FOCAD: variants seen among roughly 807,000 people sequenced by gnomAD.
The protein encoded by FOCAD is focadhesin.
FOCAD carries 198 observed loss-of-function variants against 225.6 expected under a neutral mutation model. The observed-to-expected ratio is 0.88, with a 90% CI of 0.78 to 0.99. The LOEUF (loss-of-function observed/expected upper bound fraction) is 0.99, where lower values mean the gene tolerates loss of function less well. Ranked by LOEUF, FOCAD falls within the 50% of genes least tolerant of loss-of-function variation. FOCAD has a pLI of 0.00. For missense variants in FOCAD, 2,713 were observed against 2,123.6 expected (o/e 1.28, Z -5.46); for synonymous variants, 897 against 755.0 (o/e 1.19, Z -3.08).
intron 21 of FOCAD, among the ~76,000 whole-genome samples, chr9:20,901,214 G>GTC (rs1832534810): frequency 1.3e-5 from 2 of 151,322 alleles, no homozygotes; most frequent in Non-Finnish European, 3.0e-5. Context: ...GTGTGTGTGT[G>GTC]TGTGTGTGTG....
At chr9:20,918,499 G>A (rs973245342) in intron 24 of FOCAD, among the ~76,000 whole-genome samples, 5 of 152,252 alleles carry the variant, frequency 3.3e-5, no homozygotes, top group East Asian at 3.9e-4. Context: ...TGAGGCGGGC[G>A]GATCACGAGG....
At chr9:20,962,438 A>ACATACATACATG (rs1219640555) in intron 35 of FOCAD, among the ~76,000 whole-genome samples, 1 of 152,008 alleles carries the variant, frequency 6.6e-6, no homozygotes, top group Non-Finnish European at 1.5e-5. Context: ...ATACATACAT[A>ACATACATACATG]CATACATACA....
At chr9:20,666,091 A>G (rs867170447) in intron 2 of FOCAD, among the ~76,000 whole-genome samples, 2 of 152,088 alleles carry the variant, frequency 1.3e-5, no homozygotes, top group Admixed American at 6.5e-5. Context: ...GGTTGTCACT[A>G]GAGATCTGGA....
In FOCAD at chr9:20,988,371, G is replaced by A. The variant is rs1449917606; in HGVS notation, c.4946G>A (p.Gly1649Asp). The A allele has an allele frequency of 6.2e-7, 1 of 1,612,068 alleles. No homozygotes were observed. The highest frequency in any genetic ancestry group is 8.5e-7 in the Non-Finnish European group (1 of 1,179,060). The stretch of plus-strand genomic sequence containing the variant: ...ATGGAGTGGCTCTTGGAACTGATGG[G>A]TTATATTAGAAATGTTGCTTACCAG... ...KRMEWLLELM[G>D]YIRNVAYQST... Residue 1649 changes from glycine (G) to aspartate (D), a missense_variant, in exon 41 of 44, where the codon GGT (glycine) becomes GAT (aspartate). Physicochemically the swap from Gly to Asp is moderately conservative, Grantham distance 94. Transcript: ENST00000338382.
At chr9:20,749,848 A>AT (rs201126106) in intron 5 of FOCAD, among the ~76,000 whole-genome samples, 5 of 151,814 alleles carry the variant, frequency 3.3e-5, no homozygotes, top group Non-Finnish European at 1.5e-5. Context: ...ATCACAGACT[A>AT]TTTTTTTTAA....
intron 1 of FOCAD, among the ~76,000 whole-genome samples, chr9:20,710,991 A>G (rs1183632168): frequency 6.6e-6 from 1 of 152,198 alleles, no homozygotes; most frequent in African/African-American, 2.4e-5. Flanking sequence ...TGTATTGCCT[A>G]TTGCTTTCAT....
chr9:20,700,023 A>G (rs1823811184), intron 1 of FOCAD, among the ~76,000 whole-genome samples: 1 of 151,622 alleles, frequency 6.6e-6, no homozygotes, highest in Non-Finnish European at 1.5e-5. Flanking sequence ...TGATTTACTA[A>G]TGAACTCCTG....
intron 1 of FOCAD, among the ~76,000 whole-genome samples, chr9:20,706,407 T>C (rs763260356): frequency 5.3e-5 from 8 of 152,204 alleles, no homozygotes; most frequent in African/African-American, 1.2e-4. Flanking sequence ...ATAGAATTCA[T>C]TGTACTTTTA....
intron 10 of FOCAD, among the ~76,000 whole-genome samples, chr9:20,782,724 G>C (rs1819504314): frequency 6.6e-6 from 1 of 152,180 alleles, no homozygotes; most frequent in Admixed American, 6.5e-5. Flanking sequence ...CATGAAGAGA[G>C]GCACTATGTA....
intron 15 of FOCAD, among the ~76,000 whole-genome samples, chr9:20,860,278 G>A (rs1050105115): frequency 4.6e-5 from 7 of 152,004 alleles, no homozygotes; most frequent in Middle Eastern, 3.4e-3. Context: ...ATTGCATTTC[G>A]TTGTCACGTT....
At chr9:20,901,778 AT>A (rs1461285640) in intron 21 of FOCAD, among the ~76,000 whole-genome samples, 1 of 151,940 alleles carries the variant, frequency 6.6e-6, no homozygotes, top group African/African-American at 2.4e-5. Context: ...CATCATACAG[AT>A]TTAAAAGTTT....
chr9:20,846,677 G>A (rs1330131938), intron 15 of FOCAD, among the ~76,000 whole-genome samples: 3 of 152,092 alleles, frequency 2.0e-5, no homozygotes, highest in African/African-American at 7.2e-5. Context: ...AATGTAGAAA[G>A]TAGAGTGATT....
intron 15 of FOCAD, among the ~76,000 whole-genome samples, chr9:20,835,458 A>C (rs137932884): frequency 6.6e-6 from 1 of 152,212 alleles, no homozygotes; most frequent in African/African-American, 2.4e-5. Context: ...GTTTAGGAAC[A>C]ATTTAAATTT....
At chr9:20,791,237 TCACACACA>T (rs10652100) in intron 11 of FOCAD, among the ~76,000 whole-genome samples, 1 of 148,490 alleles carries the variant, frequency 6.7e-6, no homozygotes, top group Non-Finnish European at 1.5e-5. Context: ...ACACACACAC[TCACACACA>T]CACACACACA....
rs574274519 is a variant in FOCAD, at chr9:20,806,654, C to T, written c.1456-13142C>T. On this transcript the variant is annotated intron_variant, in intron 11 of 43. Coordinates refer to ENST00000338382, the MANE Select transcript of FOCAD (RefSeq NM_001375567.1). Reference sequence around the variant, plus strand: ...GTACATGAAAAAACATTGTAAAGTACCATGCAAATGCTAGTTTTTTACATC... The same window carrying T: ...GTACATGAAAAAACATTGTAAAGTATCATGCAAATGCTAGTTTTTTACATC... Among the ~76,000 whole-genome samples, 4 of 152,210 alleles carry T rather than the reference C, an allele frequency of 2.6e-5. No individual in the cohort carries two copies. The South Asian group carries it at 8.3e-4, about 32-fold the overall frequency.
At chr9:20,658,856 TC>T (rs893479675) in intron 2 of FOCAD, 2 of 152,502 alleles carry the variant, frequency 1.3e-5, no homozygotes, top group African/African-American at 4.8e-5. Flanking sequence ...TGAATTGTTT[TC>T]CCCCAAATTC....
intron 29 of FOCAD, among the ~76,000 whole-genome samples, chr9:20,945,847 G>C (rs1837120970): frequency 6.6e-6 from 1 of 152,006 alleles, no homozygotes. Context: ...ATATCAACCA[G>C]TGCTAGAAGT....
At chr9:20,896,567 CT>C (rs922939808) in intron 21 of FOCAD, among the ~76,000 whole-genome samples, 4 of 151,728 alleles carry the variant, frequency 2.6e-5, no homozygotes, top group African/African-American at 7.3e-5. Flanking sequence ...AATAATATAT[CT>C]TTTTTTCATG....
At chr9:20,679,023 G>T (rs895675099) in intron 2 of FOCAD, among the ~76,000 whole-genome samples, 1 of 152,054 alleles carries the variant, frequency 6.6e-6, no homozygotes, top group Non-Finnish European at 1.5e-5. Context: ...AGATATCTGG[G>T]GAGAAATGCC....
Sources: gnomAD v4.1 joint callset for allele counts (sites outside exome capture counted in the v4.1 genomes callset) on GRCh38, gnomAD v4.1.1 for gene constraint, MANE v1.5 for transcripts, NCBI Gene and HGNC (gene_info 2026-07-23, HGNC 2026-07-21) for gene names.